The following PCCA variants were observed in gnomAD, a reference collection of about 807,000 sequenced individuals.
The protein encoded by PCCA is propionyl-CoA carboxylase subunit alpha.
Under a neutral mutation model 101.3 loss-of-function variants are expected in PCCA, and 74 were observed. The ratio of observed to expected loss-of-function variants is 0.73; its 90% CI spans 0.61 to 0.89. The LOEUF (loss-of-function observed/expected upper bound fraction) is 0.89, where lower values mean the gene tolerates loss of function less well. Among genes scored for constraint, PCCA ranks in the 40% least tolerant of loss-of-function variants. The pLI is 0.00. For synonymous variants in PCCA, 294 were observed against 313.6 expected (o/e 0.94, Z 0.66); for missense variants, 891 against 907.0 (o/e 0.98, Z 0.23).
intron 7 of PCCA, among the ~76,000 whole-genome samples, chr13:100,219,364 A>C (rs2059689050): frequency 6.6e-6 from 1 of 152,112 alleles, no homozygotes; most frequent in South Asian, 2.1e-4. Context: ...TGGCTTGATG[A>C]TGAATGGTGG....
intron 21 of PCCA, among the ~76,000 whole-genome samples, chr13:100,505,378 C>T (rs1246922789): frequency 3.9e-5 from 6 of 152,204 alleles, no homozygotes; most frequent in East Asian, 1.9e-4. Flanking sequence ...AAAAGACAAC[C>T]GTGGGGTCCC....
intron 7 of PCCA, among the ~76,000 whole-genome samples, chr13:100,230,862 A>G (rs1454070447): frequency 1.3e-5 from 2 of 152,126 alleles, no homozygotes; most frequent in Non-Finnish European, 2.9e-5. Context: ...TGGACAGTGC[A>G]CATCATAAGT....
At chr13:100,197,911 T>A (rs111520546) in intron 6 of PCCA, among the ~76,000 whole-genome samples, 76 of 151,924 alleles carry the variant, frequency 5.0e-4, no homozygotes, top group African/African-American at 1.8e-3. Flanking sequence ...GTTTTCCAAT[T>A]AAAAAAAATA....
chr13:100,172,948 G>C (rs977914902), intron 6 of PCCA, among the ~76,000 whole-genome samples: 13 of 152,144 alleles, frequency 8.5e-5, no homozygotes, highest in Non-Finnish European at 1.6e-4. Context: ...CTCTGAAGAA[G>C]AGATTATACA....
At chr13:100,235,591 G>A (rs1371758687) in intron 7 of PCCA, among the ~76,000 whole-genome samples, 3 of 152,122 alleles carry the variant, frequency 2.0e-5, no homozygotes, top group Non-Finnish European at 4.4e-5. Context: ...CAAATCATTG[G>A]CAATTCTGGT....
At chr13:100,275,849 G>A in intron 12 of PCCA, among the ~76,000 whole-genome samples, 1 of 152,076 alleles carries the variant, frequency 6.6e-6, no homozygotes, top group East Asian at 1.9e-4. Flanking sequence ...AGACTGACAA[G>A]GGAGCTTAGA....
At chr13:100,256,054 C>T (rs533203296) in intron 8 of PCCA, among the ~76,000 whole-genome samples, 37 of 152,228 alleles carry the variant, frequency 2.4e-4, no homozygotes, top group Non-Finnish European at 3.2e-4. Context: ...GAGTCTTGCG[C>T]TGGAGTGCAG....
At chr13:100,275,147 C>T (rs911867149) in intron 12 of PCCA, among the ~76,000 whole-genome samples, 6 of 152,072 alleles carry the variant, frequency 3.9e-5, no homozygotes, top group East Asian at 1.9e-4. Flanking sequence ...ACCAAGGGGC[C>T]GCTTGTGGGA....
chr13:100,209,304 A>G lies in PCCA; in HGVS notation c.469-28A>G, dbSNP rs568604176. 2.5e-5 allele frequency: 40 copies of G among 1,606,702 alleles called. 1 individual carries two copies. The East Asian group carries it at 8.3e-4, about 33-fold the overall frequency. ...CATCATGCTCCGTAATGTTCTTGTT[A>G]TAAATTTTGACTTGTTTTTCTCCAC... is the stretch of plus-strand genomic sequence containing the variant. On this transcript the variant is annotated intron_variant, in intron 6 of 23. Coordinates refer to ENST00000376285, the MANE Select transcript of PCCA (RefSeq NM_000282.4).
chr13:100,411,225 A>AT (rs566218424), intron 19 of PCCA, among the ~76,000 whole-genome samples: 8,127 of 135,708 alleles, frequency 0.06, 654 homozygotes, highest in African/African-American at 0.18. Context: ...GTGCCTCTTG[A>AT]TTTTTTTTTT....
rs984874520 is a variant in PCCA, at chr13:100,530,032, T to G, written c.2119-66T>G. ...CATTTTTAGAAATGGATTAGGAGCC[T>G]GCCGCCTCTTGGTTCTGGTTACTAA... On this transcript the variant is annotated intron_variant, in intron 23 of 23. Coordinates refer to ENST00000376285, the MANE Select transcript of PCCA (RefSeq NM_000282.4). The G allele has an allele frequency of 1.1e-5, 14 of 1,238,196 alleles. No homozygotes were observed. In the Admixed American group the frequency reaches 1.6e-4, roughly 14 times the overall value. 76.7% of individuals were successfully genotyped at this position (1,238,196 alleles called of 1,614,324 possible).
At chr13:100,249,450 G>A (rs1237979121) in intron 8 of PCCA, among the ~76,000 whole-genome samples, 2 of 152,198 alleles carry the variant, frequency 1.3e-5, no homozygotes, top group Non-Finnish European at 2.9e-5. Context: ...GTCTGTCTTA[G>A]ACAATACCAT....
At chr13:100,226,602 G>A (rs1320948756) in intron 7 of PCCA, among the ~76,000 whole-genome samples, 6 of 152,286 alleles carry the variant, frequency 3.9e-5, no homozygotes, top group South Asian at 2.1e-4. Context: ...TACCGAGTTC[G>A]TAGATCGTCT....
At chr13:100,327,996 G>A (rs1378459985) in intron 16 of PCCA, among the ~76,000 whole-genome samples, 1 of 152,092 alleles carries the variant, frequency 6.6e-6, no homozygotes, top group Non-Finnish European at 1.5e-5. Flanking sequence ...GGCCAAGGTG[G>A]GTGGATCACT....
At chr13:100,308,089 G>A (rs1316077193) in intron 15 of PCCA, among the ~76,000 whole-genome samples, 3 of 152,080 alleles carry the variant, frequency 2.0e-5, no homozygotes, top group South Asian at 2.1e-4. Flanking sequence ...TCCTGACCTC[G>A]TGATCCGCCC....
intron 20 of PCCA, among the ~76,000 whole-genome samples, chr13:100,433,404 T>C (rs2079695423): frequency 6.6e-6 from 1 of 152,224 alleles, no homozygotes. Flanking sequence ...TCCGAATACT[T>C]CTAGGATGTG....
Position 100,445,724 on chromosome 13 carries a change from ATGT to A in PCCA, c.1846-3522_1846-3520del, listed in dbSNP as rs367576061. On this transcript the variant is annotated intron_variant, in intron 20 of 23. Transcript: ENST00000376285. ...AATGTAATGTCTTCCGGGTTCATCC[ATGT>A]TGTTGCAAATGGTAGGATTTTCTTT... Among the ~76,000 whole-genome samples, 649 of 152,212 alleles carry A rather than the reference ATGT, an allele frequency of 4.3e-3. 5 individuals are homozygous for A. The highest frequency in any genetic ancestry group is 0.015 in the African/African-American group (622 of 41,506).
chr13:100,097,709 C>T (rs1400826176), intron 1 of PCCA, among the ~76,000 whole-genome samples: 1 of 152,090 alleles, frequency 6.6e-6, no homozygotes, highest in East Asian at 1.9e-4. Context: ...CAGAGTGAGA[C>T]TCCGTCTCAA....
chr13:100,472,274 G>A (rs957739393), intron 21 of PCCA, among the ~76,000 whole-genome samples: 6 of 151,994 alleles, frequency 3.9e-5, no homozygotes, highest in African/African-American at 1.2e-4. Flanking sequence ...CCCTGGGCAC[G>A]ACGACCTTGG....
Sources: allele counts gnomAD v4.1 joint callset (sites outside exome capture counted in the v4.1 genomes callset), GRCh38; gene constraint gnomAD v4.1.1; transcripts MANE v1.5; gene names NCBI Gene and HGNC (gene_info 2026-07-23, HGNC 2026-07-21).